ITGA6: variants seen among roughly 807,000 people sequenced by gnomAD.
ITGA6 encodes the protein integrin alpha-6.
A neutral mutation model predicts 133.6 loss-of-function variants in ITGA6; 63 were observed. The ratio of observed to expected loss-of-function variants is 0.47; its 90% CI spans 0.38 to 0.58. The LOEUF (loss-of-function observed/expected upper bound fraction) is 0.58, where lower values mean the gene tolerates loss of function less well. Ranked by LOEUF, ITGA6 falls within the 20% of genes least tolerant of loss-of-function variation. The probability of loss-of-function intolerance (pLI) is 0.00; values close to 1 mark genes in which losing one functional copy is unlikely to be tolerated. For synonymous variants in ITGA6, 434 were observed against 482.0 expected, an observed-to-expected ratio of 0.90 and a Z score of 1.30; for missense variants, 1,068 against 1,309.4, an observed-to-expected ratio of 0.82 and a Z score of 2.85.
Position 172,506,043 on chromosome 2 carries a change from T to C in ITGA6, c.*1975T>C, listed in dbSNP as rs1348407596. The C allele has an allele frequency of 1.3e-5, 2 of 152,662 alleles. No individual in the cohort carries two copies. Among genetic ancestry groups the C allele is most frequent in the Admixed American group, 1.3e-4 (2 of 15,286 alleles). The allele number at this position is 152,662 out of a possible 1,614,324, so 9.5% of individuals were successfully genotyped here. On this transcript the variant is annotated 3_prime_UTR_variant, in exon 26 of 26. Coordinates refer to ENST00000684293, the MANE Select transcript of ITGA6 (RefSeq NM_000210.4). ...AAAGATGTTATGGTGTTTAGATTTA[T>C]GGTTGTTAAAAATGTCATCTCAAGT...
intron 1 of ITGA6, among the ~76,000 whole-genome samples, chr2:172,435,027 AGTGT>A (rs72087668): frequency 0.057 from 8,186 of 144,102 alleles, 304 homozygotes; most frequent in East Asian, 0.21. Flanking sequence ...GGTGGTTTTA[AGTGT>A]GTGTGTGTGT....
In ITGA6 at chr2:172,504,303, CTCAGAAAT is replaced by C. The variant is rs1386827661; in HGVS notation, c.*239_*246del. 1 of 1,363,202 alleles carries C rather than the reference CTCAGAAAT, an allele frequency of 7.3e-7. No homozygotes were observed. The highest frequency in any genetic ancestry group is 9.9e-7 in the Non-Finnish European group (1 of 1,006,462). The allele number at this position is 1,363,202 out of a possible 1,614,324, so 84.4% of individuals were successfully genotyped here. On this transcript the variant is annotated 3_prime_UTR_variant, in exon 26 of 26. Coordinates refer to ENST00000684293, the MANE Select transcript of ITGA6 (RefSeq NM_000210.4). ...ACAGTACCCAAACTGCTTTTTCCAA[CTCAGAAAT>C]TCAATTTGGATTTAAAAGCCTGCTC...
At position 172,506,266 on chromosome 2, in the gene ITGA6, T is replaced by G. The variant is rs570084096; in HGVS notation, c.*2198T>G. ...ATTATAAATGACAACCTGAATTATCTATTTCATCAAACCAAAGTTCAGTGT... is the reference window on the plus strand; with the variant it reads ...ATTATAAATGACAACCTGAATTATCGATTTCATCAAACCAAAGTTCAGTGT... On this transcript the variant is annotated 3_prime_UTR_variant, in exon 26 of 26. Coordinates refer to ENST00000684293, the MANE Select transcript of ITGA6 (RefSeq NM_000210.4). 56 of 152,800 alleles carry G rather than the reference T, an allele frequency of 3.7e-4. No individual in the cohort carries two copies. The highest frequency in any genetic ancestry group is 1.2e-3 in the African/African-American group (50 of 41,580). 9.5% of individuals were successfully genotyped at this position (152,800 alleles called of 1,614,324 possible).
At chr2:172,479,586 A>G in intron 9 of ITGA6, 55 bp from the exon 10 acceptor site, 1 of 1,393,702 alleles carries the variant, frequency 7.2e-7, no homozygotes, top group South Asian at 1.2e-5. Context: ...TGTGAATTAG[A>G]CTCACATTCA....
intron 25 of ITGA6, among the ~76,000 whole-genome samples, chr2:172,503,214 T>C (rs943712234): frequency 6.6e-6 from 1 of 152,122 alleles, no homozygotes; most frequent in Non-Finnish European, 1.5e-5. Flanking sequence ...AAAACACCTT[T>C]TTTTAAAAAA....
At position 172,465,984 on chromosome 2, in the gene ITGA6, A is replaced by AGC. The variant is rs575820724; in HGVS notation, c.307+323_307+324dup. ...TTCATAGCAATGAAGAGAATGAATGAGCGTATCTTGTATTCATCAGCCAAA... is the reference window on the plus strand; with the variant it reads ...TTCATAGCAATGAAGAGAATGAATGAGCGCGTATCTTGTATTCATCAGCCAAA... On this transcript the variant is annotated intron_variant, in intron 2 of 25. Transcript: ENST00000684293. The AGC allele has an allele frequency of 1.9e-3, 831 of 427,800 alleles. 4 individuals are homozygous for AGC. The highest frequency in any genetic ancestry group is 2.1e-3 in the Non-Finnish European group (476 of 228,992). The allele number at this position is 427,800 out of a possible 1,614,324, so 26.5% of individuals were successfully genotyped here.
At chr2:172,489,783 G>T in intron 20 of ITGA6, 125 bp downstream of exon 20, 1 of 912,416 alleles carries the variant, frequency 1.1e-6, no homozygotes. Flanking sequence ...CTCTTTGGTT[G>T]TCACAATTTC....
intron 1 of ITGA6, chr2:172,464,118 C>CAGT (rs1033724572): frequency 2.6e-5 from 4 of 152,370 alleles, no homozygotes; most frequent in African/African-American, 9.7e-5. Context: ...GGAGGAAGGA[C>CAGT]AGTGCTGGGG....
At chr2:172,443,807 G>A (rs185446225) in intron 1 of ITGA6, among the ~76,000 whole-genome samples, 3 of 152,258 alleles carry the variant, frequency 2.0e-5, no homozygotes, top group South Asian at 2.1e-4. Flanking sequence ...AGGGTCTCAC[G>A]CTTTCGCCCA....
intron 25 of ITGA6, among the ~76,000 whole-genome samples, chr2:172,502,547 A>G (rs999660058): frequency 6.6e-6 from 1 of 152,234 alleles, no homozygotes; most frequent in African/African-American, 2.4e-5. Flanking sequence ...ACTGATTATC[A>G]GCATGATGGG....
chr2:172,440,171 A>G (rs1176959477), intron 1 of ITGA6, among the ~76,000 whole-genome samples: 2 of 152,208 alleles, frequency 1.3e-5, no homozygotes, highest in Non-Finnish European at 2.9e-5. Context: ...CTATAAATGT[A>G]TGCCTGATGG....
At chr2:172,480,869 T>C (rs1686412934) in intron 11 of ITGA6, 1 of 152,194 alleles carries the variant, frequency 6.6e-6, no homozygotes, top group African/African-American at 2.4e-5. Flanking sequence ...GACAAGAATT[T>C]TGACACCGTT....
At position 172,427,630 on chromosome 2, in the gene ITGA6, G is replaced by A. The variant is rs2148985009; in HGVS notation, c.-159G>A. 7.8e-7 allele frequency: 1 copy of A among 1,287,286 alleles called. No homozygotes were observed. The highest frequency in any genetic ancestry group is 1.6e-5 in the African/African-American group (1 of 64,008). The allele number at this position is 1,287,286 out of a possible 1,614,324, so 79.7% of individuals were successfully genotyped here. On this transcript the variant is annotated 5_prime_UTR_variant, in exon 1 of 26. Coordinates refer to ENST00000684293, the MANE Select transcript of ITGA6 (RefSeq NM_000210.4). ...CGCGAGCTGCCCGCGAGGGGGAGCGGCCGGACGGAGAGCGCGACCCGTCCC... is the reference window on the plus strand; with the variant it reads ...CGCGAGCTGCCCGCGAGGGGGAGCGACCGGACGGAGAGCGCGACCCGTCCC...
chr2:172,442,807 C>T (rs1684597848), intron 1 of ITGA6, among the ~76,000 whole-genome samples: 1 of 152,052 alleles, frequency 6.6e-6, no homozygotes, highest in African/African-American at 2.4e-5. Flanking sequence ...CAACTGCCCA[C>T]ATAAAGAGAG....
At chr2:172,456,656 A>AG (rs1685220504) in intron 1 of ITGA6, among the ~76,000 whole-genome samples, 1 of 152,212 alleles carries the variant, frequency 6.6e-6, no homozygotes, top group South Asian at 2.1e-4. Context: ...TGTGTGTGGA[A>AG]GGGCCTCAGC....
intron 9 of ITGA6, among the ~76,000 whole-genome samples, chr2:172,478,926 A>G (rs1686299829): frequency 6.6e-6 from 1 of 152,166 alleles, no homozygotes; most frequent in Non-Finnish European, 1.5e-5. Context: ...CATCTCAGGT[A>G]TTAGGTGTTT....
intron 1 of ITGA6, among the ~76,000 whole-genome samples, chr2:172,435,445 C>T (rs949999287): frequency 6.6e-6 from 1 of 151,636 alleles, no homozygotes; most frequent in South Asian, 2.1e-4. Flanking sequence ...ACAAAGGTAT[C>T]GAAACAATAA....
At chr2:172,448,377 G>A (rs1378620554) in intron 1 of ITGA6, among the ~76,000 whole-genome samples, 5 of 152,052 alleles carry the variant, frequency 3.3e-5, no homozygotes, top group Admixed American at 3.3e-4. Flanking sequence ...GGAGTGCTAG[G>A]CACAACTCCT....
chr2:172,482,541 G>C (rs953680029), intron 11 of ITGA6, among the ~76,000 whole-genome samples: 1 of 152,126 alleles, frequency 6.6e-6, no homozygotes, highest in Non-Finnish European at 1.5e-5. Flanking sequence ...GATGTGGACT[G>C]TCTGGAGGGT....
Sources: gnomAD v4.1 joint callset for allele counts (sites outside exome capture counted in the v4.1 genomes callset) on GRCh38, gnomAD v4.1.1 for gene constraint, MANE v1.5 for transcripts, NCBI Gene and HGNC (gene_info 2026-07-23, HGNC 2026-07-21) for gene names.